Variants in CFTR observed in about 807,000 individuals in gnomAD.
CFTR encodes cystic fibrosis transmembrane conductance regulator.
A neutral mutation model predicts 171.6 loss-of-function variants in CFTR; 181 were observed. The ratio of observed to expected loss-of-function variants is 1.05; its 90% CI spans 0.93 to 1.19. The LOEUF is 1.19. Ranked by LOEUF, CFTR falls within the 50% of genes most tolerant of loss-of-function variation. The probability of loss-of-function intolerance (pLI) is 0.00; values close to 1 mark genes in which losing one functional copy is unlikely to be tolerated. For missense variants in CFTR, 1,968 were observed against 1,734.7 expected, an observed-to-expected ratio of 1.13 and a Z score of -2.39; for synonymous variants, 583 against 608.0, an observed-to-expected ratio of 0.96 and a Z score of 0.60.
At chr7:117,637,988 A>G (rs748546593) in intron 22 of CFTR, among the ~76,000 whole-genome samples, 20 of 152,200 alleles carry the variant, frequency 1.3e-4, no homozygotes, top group Non-Finnish European at 2.8e-4. Context: ...TCATAAAAGT[A>G]TAGAAGTCGG....
rs557323318 is a variant in CFTR, at chr7:117,663,026, GA to G, written c.3964-1659del. Among the ~76,000 whole-genome samples the G allele has an allele frequency of 1.8e-4, 27 of 152,228 alleles. No individual in the cohort carries two copies. In the South Asian group the frequency reaches 5.4e-3, roughly 30 times the overall value. Reference sequence around the variant, plus strand: ...TCAAGCCAAGGAATAGATGTTTTAAGAAAGGAAAATTCTTGTGGTGGGAAGC... The same window carrying G: ...TCAAGCCAAGGAATAGATGTTTTAAGAAGGAAAATTCTTGTGGTGGGAAGC... On this transcript the variant is annotated intron_variant, in intron 24 of 26. Transcript: ENST00000003084.
chr7:117,642,575 C>T lies in CFTR; in HGVS notation c.3855C>T (p.Ala1285=), dbSNP rs747748817. 1 of 1,613,376 alleles carries T rather than the reference C, an allele frequency of 6.2e-7. No homozygotes were observed. Among genetic ancestry groups the T allele is most frequent in the Non-Finnish European group, 8.5e-7 (1 of 1,179,636 alleles). ...TAACTTTGCAACAGTGGAGGAAAGCCTTTGGAGTGATACCACAGGTGAGCA... is the reference window on the plus strand; with the variant it reads ...TAACTTTGCAACAGTGGAGGAAAGCTTTTGGAGTGATACCACAGGTGAGCA... ...DSITLQQWRK[A]FGVIPQKVFI... The change falls in exon 23 of 27, where the codon GCC becomes GCT. Residue 1285 remains alanine (A), a synonymous_variant. Coordinates refer to ENST00000003084, the MANE Select transcript of CFTR (RefSeq NM_000492.4).
chr7:117,560,041 AATT>A (rs960109054), intron 11 of CFTR, among the ~76,000 whole-genome samples: 81 of 152,126 alleles, frequency 5.3e-4, no homozygotes, highest in Admixed American at 4.8e-3. Context: ...ATACTCCAAA[AATT>A]ATTAAGATTA....
At chr7:117,542,957 G>A (rs1257829094) in intron 9 of CFTR, among the ~76,000 whole-genome samples, 5 of 152,186 alleles carry the variant, frequency 3.3e-5, no homozygotes, top group African/African-American at 9.7e-5. Flanking sequence ...AAGGATGCGA[G>A]AGAGATATAC....
At chr7:117,590,228 A>T in intron 12 of CFTR, 125 bp from the exon 13 acceptor site, 1 of 1,112,084 alleles carries the variant, frequency 9.0e-7, no homozygotes, top group Non-Finnish European at 1.3e-6. Flanking sequence ...GAATAGTGTT[A>T]TTTCAGTGAA....
intron 2 of CFTR, among the ~76,000 whole-genome samples, chr7:117,506,715 C>A (rs1798423693): frequency 6.6e-6 from 1 of 152,078 alleles, no homozygotes; most frequent in South Asian, 2.1e-4. Context: ...CACTGTATCC[C>A]CCATGTTGAT....
intron 10 of CFTR, among the ~76,000 whole-genome samples, chr7:117,555,399 T>C (rs552496717): frequency 6.6e-6 from 1 of 152,322 alleles, no homozygotes; most frequent in African/African-American, 2.4e-5. Context: ...GGAAGCCACT[T>C]CCTGTTGCTA....
At chr7:117,658,602 G>GC (rs930216559) in intron 24 of CFTR, among the ~76,000 whole-genome samples, 1 of 151,998 alleles carries the variant, frequency 6.6e-6, no homozygotes, top group African/African-American at 2.4e-5. Context: ...TTCCTTCCCT[G>GC]CCCCACCACA....
chr7:117,559,430 A>T (rs765326554), intron 10 of CFTR, 34 bp from the exon 11 acceptor site: 14 of 1,378,516 alleles, frequency 1.0e-5, no homozygotes, highest in Non-Finnish European at 1.4e-5. Context: ...GCGTGATTTG[A>T]TAATGACCTA....
At chr7:117,484,652 A>G (rs1798044666) in intron 1 of CFTR, among the ~76,000 whole-genome samples, 1 of 151,960 alleles carries the variant, frequency 6.6e-6, no homozygotes. Context: ...TTCTAAAAGT[A>G]CCTCCTGTAC....
chr7:117,628,793 T>C (rs151093779), intron 22 of CFTR, among the ~76,000 whole-genome samples: 4 of 152,270 alleles, frequency 2.6e-5, no homozygotes, highest in African/African-American at 9.6e-5. Context: ...CTGTGTATCA[T>C]GTGAAATGGC....
In CFTR at chr7:117,662,615, T is replaced by C. The variant is rs1197140935; in HGVS notation, c.3964-2073T>C. Among the ~76,000 whole-genome samples the C allele has an allele frequency of 3.3e-5, 5 of 151,568 alleles. No individual in the cohort carries two copies. In the South Asian group the frequency reaches 1.0e-3, roughly 31 times the overall value. The stretch of plus-strand genomic sequence containing the variant: ...TATTCCACCAGGAGGAGAACTACCA[T>C]AGGATTTAAAACAGAAATGATATGG... On this transcript the variant is annotated intron_variant, in intron 24 of 26. Transcript: ENST00000003084.
chr7:117,653,676 T>C (rs1486743644), intron 24 of CFTR, among the ~76,000 whole-genome samples: 1 of 152,090 alleles, frequency 6.6e-6, no homozygotes, highest in Non-Finnish European at 1.5e-5. Flanking sequence ...ACCTCCAAAG[T>C]TCATGTCTTC....
intron 16 of CFTR, among the ~76,000 whole-genome samples, 158 bp downstream of exon 16, chr7:117,603,021 T>C (rs1325492532): frequency 1.3e-5 from 2 of 152,130 alleles, no homozygotes; most frequent in Admixed American, 6.6e-5. Context: ...ATGATGACCA[T>C]TAGTTGGGTG....
rs767312350 is a variant in CFTR, at chr7:117,536,614, A to G, written c.810A>G (p.Gln270=). The change falls in exon 7 of 27, where the codon CAA becomes CAG. Residue 270 remains glutamine, a synonymous_variant. Transcript: ENST00000003084. ...CCTCAGAAATGATTGAAAATATCCA[A>G]TCTGTTAAGGCATACTGCTGGGAAG... ...VITSEMIENI[Q]SVKAYCWEEA... The G allele has an allele frequency of 4.3e-6, 7 of 1,610,890 alleles. No homozygotes were observed. The highest frequency in any genetic ancestry group is 5.1e-6 in the Non-Finnish European group (6 of 1,178,632).
intron 10 of CFTR, among the ~76,000 whole-genome samples, chr7:117,558,586 T>TAAATAAATAAATAAATAAAA (rs1562898073): frequency 6.6e-6 from 1 of 151,740 alleles, no homozygotes; most frequent in Non-Finnish European, 1.5e-5. Flanking sequence ...AATAAATAAA[T>TAAATAAATAAATAAATAAAA]AAAATCAGTG....
intron 9 of CFTR, among the ~76,000 whole-genome samples, chr7:117,546,552 C>T (rs1334032080): frequency 6.6e-6 from 1 of 152,102 alleles, no homozygotes; most frequent in African/African-American, 2.4e-5. Flanking sequence ...GGTACAACTA[C>T]AGGTGATTTC....
At chr7:117,591,832 A>C in intron 13 of CFTR, 102 bp from the exon 14 acceptor site, 5 of 683,084 alleles carry the variant, frequency 7.3e-6, no homozygotes, top group Non-Finnish European at 1.2e-5. Flanking sequence ...ATTGTATGAT[A>C]GAGATTATAT....
At chr7:117,526,213 C>G (rs1049518943) in intron 3 of CFTR, among the ~76,000 whole-genome samples, 13 of 151,426 alleles carry the variant, frequency 8.6e-5, no homozygotes, top group African/African-American at 3.2e-4. Context: ...GAATCTCACT[C>G]AAAGCCGCTC....
Sources: gnomAD v4.1 joint callset for allele counts (sites outside exome capture counted in the v4.1 genomes callset) on GRCh38, gnomAD v4.1.1 for gene constraint, MANE v1.5 for transcripts, NCBI Gene and HGNC (gene_info 2026-07-23, HGNC 2026-07-21) for gene names.